MYO16: variants seen among roughly 807,000 people sequenced by gnomAD.
The protein encoded by MYO16 is myosin XVI.
A neutral mutation model predicts 205.3 loss-of-function variants in MYO16; 94 were observed. The observed-to-expected ratio is 0.46, with a 90% CI of 0.39 to 0.54. The LOEUF (loss-of-function observed/expected upper bound fraction) is 0.54. Ranked by LOEUF, MYO16 falls within the 20% of genes least tolerant of loss-of-function variation. The pLI, the probability that MYO16 is intolerant of heterozygous loss-of-function variation, is 0.00. For synonymous variants in MYO16, 988 were observed against 954.0 expected, an observed-to-expected ratio of 1.04 and a Z score of -0.66; for missense variants, 2,315 against 2,387.5, an observed-to-expected ratio of 0.97 and a Z score of 0.63.
chr13:108,780,967 G>C (rs1241071239), intron 4 of MYO16, among the ~76,000 whole-genome samples: 1 of 152,216 alleles, frequency 6.6e-6, no homozygotes, highest in African/African-American at 2.4e-5. Flanking sequence ...CCACGCTTCA[G>C]GTGCAGAATT....
intron 2 of MYO16, among the ~76,000 whole-genome samples, chr13:108,692,965 A>G (rs1372344069): frequency 6.6e-6 from 1 of 152,198 alleles, no homozygotes; most frequent in Admixed American, 6.5e-5. Flanking sequence ...GACTACATGT[A>G]CATATATCTT....
At chr13:108,980,419 C>A (rs1248139539) in intron 20 of MYO16, among the ~76,000 whole-genome samples, 2 of 152,144 alleles carry the variant, frequency 1.3e-5, no homozygotes, top group African/African-American at 4.8e-5. Flanking sequence ...ATAGAGTTAG[C>A]CGAATCTTTG....
intron 7 of MYO16, among the ~76,000 whole-genome samples, chr13:108,818,400 TAATA>T (rs1875757765): frequency 7.1e-6 from 1 of 140,558 alleles, no homozygotes; most frequent in Non-Finnish European, 1.5e-5. Flanking sequence ...AAAATAATAA[TAATA>T]AATAAAAATA....
At chr13:109,039,794 G>C (rs1404896986) in intron 23 of MYO16, among the ~76,000 whole-genome samples, 1 of 151,942 alleles carries the variant, frequency 6.6e-6, no homozygotes, top group Non-Finnish European at 1.5e-5. Flanking sequence ...AGGAACGTAG[G>C]AGCAAAATAA....
At chr13:108,944,998 C>T (rs905075653) in intron 16 of MYO16, among the ~76,000 whole-genome samples, 1 of 152,176 alleles carries the variant, frequency 6.6e-6, no homozygotes, top group Non-Finnish European at 1.5e-5. Flanking sequence ...TCTGAGTCAA[C>T]AAACATATTA....
intron 4 of MYO16, among the ~76,000 whole-genome samples, chr13:108,768,447 TTTAA>T (rs1362999395): frequency 4.6e-5 from 7 of 152,226 alleles, no homozygotes; most frequent in Non-Finnish European, 8.8e-5. Context: ...ACTTTTGTTG[TTTAA>T]TTAATGAGAC....
In MYO16 at chr13:108,898,019, G is replaced by T. The variant is rs76952704; in HGVS notation, c.1663G>T (p.Val555Leu). Residue 555 changes from valine (V) to leucine (L), a missense_variant, in exon 15 of 35, where the codon GTG becomes TTG. By Grantham distance (32) the Val-to-Leu change is conservative (BLOSUM62 1). This residue lies in a region of MYO16 where 1,213 missense variants were observed against 1,274.4 expected (regional missense o/e 0.95). Transcript: ENST00000457511. Reference protein sequence around the residue: ...ATLDSRFKHVVCILEAFGHAK... With the variant: ...ATLDSRFKHVLCILEAFGHAK... ...AAAATGTTCTCCTCTCCCACAGGTCGTGTGCATCTTAGAAGCCTTTGGACA... is the reference window on the plus strand; with the variant it reads ...AAAATGTTCTCCTCTCCCACAGGTCTTGTGCATCTTAGAAGCCTTTGGACA... 1 of 1,608,322 alleles carries T rather than the reference G, an allele frequency of 6.2e-7. No homozygotes were observed. The highest frequency in any genetic ancestry group is 1.3e-5 in the African/African-American group (1 of 74,876).
intron 4 of MYO16, among the ~76,000 whole-genome samples, chr13:108,767,935 A>G (rs1337932): frequency 1 from 151,531 of 152,292 alleles, 75,390 homozygotes; most frequent in Middle Eastern, 1. Flanking sequence ...TGTTAGCTGC[A>G]TACTGTATTG....
chr13:108,521,191 C>G, the MYO16 span, among the ~76,000 whole-genome samples: 1 of 152,160 alleles, frequency 6.6e-6, no homozygotes, highest in African/African-American at 2.4e-5. Context: ...TGTGTGACAG[C>G]CTATCTCAGG....
chr13:108,874,203 GT>G (rs36011024), intron 12 of MYO16, among the ~76,000 whole-genome samples: 14 of 151,282 alleles, frequency 9.3e-5, no homozygotes, highest in Admixed American at 7.9e-4. Flanking sequence ...ATCCTATCAG[GT>G]TTTTTTTTAA....
At chr13:108,987,907 A>G (rs961360382) in intron 20 of MYO16, among the ~76,000 whole-genome samples, 5 of 152,178 alleles carry the variant, frequency 3.3e-5, no homozygotes, top group South Asian at 2.1e-4. Flanking sequence ...TCCACTCTAT[A>G]TCTATCTACA....
At chr13:109,085,753 C>T (rs1344969287) in intron 27 of MYO16, among the ~76,000 whole-genome samples, 4 of 152,192 alleles carry the variant, frequency 2.6e-5, no homozygotes, top group Admixed American at 2.6e-4. Context: ...GTGGACAGAC[C>T]AGGGTCTATA....
chr13:108,813,612 G>A (rs1234549621), intron 7 of MYO16, among the ~76,000 whole-genome samples: 1 of 152,122 alleles, frequency 6.6e-6, no homozygotes, highest in African/African-American at 2.4e-5. Context: ...TCTATATCCA[G>A]TAACTAATAT....
chr13:108,619,783 C>A (rs2139332724), intron 1 of MYO16, among the ~76,000 whole-genome samples: 1 of 152,196 alleles, frequency 6.6e-6, no homozygotes, highest in African/African-American at 2.4e-5. Context: ...TATGTGTGTC[C>A]TCCCCTCTCC....
At chr13:108,656,807 C>T (rs768218894) in intron 1 of MYO16, among the ~76,000 whole-genome samples, 1 of 152,340 alleles carries the variant, frequency 6.6e-6, no homozygotes, top group Non-Finnish European at 1.5e-5. Flanking sequence ...GAATCCGCTT[C>T]ATTCTCAGCT....
rs779864107 is a variant in MYO16, at chr13:108,910,159, C to T, written c.1925+9C>T. The T allele has an allele frequency of 1.2e-6, 2 of 1,608,240 alleles. No individual in the cohort carries two copies. Among genetic ancestry groups the T allele is most frequent in the Non-Finnish European group, 1.7e-6 (2 of 1,176,686 alleles). On this transcript the variant is annotated intron_variant, in intron 16 of 34. Coordinates refer to ENST00000457511, the MANE Select transcript of MYO16 (RefSeq NM_001198950.3). ...AATTTATGTGCACACCGGTGAGTGA[C>T]TAAGTATTTTGTATCTAAAAGCTAT...
chr13:108,724,609 C>T (rs973518278), intron 3 of MYO16, among the ~76,000 whole-genome samples: 1 of 151,556 alleles, frequency 6.6e-6, no homozygotes, highest in Admixed American at 6.6e-5. Context: ...GAGTATTTTT[C>T]GTGATTCAAT....
At chr13:109,044,475 G>T (rs1886976753) in intron 23 of MYO16, among the ~76,000 whole-genome samples, 1 of 152,146 alleles carries the variant, frequency 6.6e-6, no homozygotes, top group African/African-American at 2.4e-5. Flanking sequence ...AGTCCTTTTT[G>T]ATGTAACTGA....
chr13:108,548,349 C>T, the MYO16 span, among the ~76,000 whole-genome samples: 46 of 148,206 alleles, frequency 3.1e-4, no homozygotes, highest in African/African-American at 9.2e-4. Context: ...AGAATGATGA[C>T]GCTGACGATG....
Sources: gnomAD v4.1 joint callset for allele counts (sites outside exome capture counted in the v4.1 genomes callset) on GRCh38, gnomAD v4.1.1 for gene constraint, gnomAD v4.1.1 regional missense constraint, MANE v1.5 for transcripts, NCBI Gene and HGNC (gene_info 2026-07-23, HGNC 2026-07-21) for gene names.